The following USP49 variants were observed in gnomAD, a reference collection of about 807,000 sequenced individuals.
USP49 encodes ubiquitin specific peptidase 49, also known as ubiquitin carboxyl-terminal hydrolase 49.
USP49 carries 24 observed loss-of-function variants against 58.6 expected under a neutral mutation model. The observed-to-expected ratio is 0.41, with a 90% CI of 0.30 to 0.58. The LOEUF (loss-of-function observed/expected upper bound fraction) is 0.58. USP49 is among the 20% of genes least tolerant of loss of function. The pLI is 0.30. For missense variants in USP49, 703 were observed against 866.1 expected (o/e 0.81, Z 2.36); for synonymous variants, 408 against 365.1 (o/e 1.12, Z -1.34).
At chr6:41,823,486 A>G (rs1329346047) in intron 3 of USP49, among the ~76,000 whole-genome samples, 4 of 152,286 alleles carry the variant, frequency 2.6e-5, no homozygotes, top group African/African-American at 9.6e-5. Context: ...CCATTACAAA[A>G]AGAGTCCCCT....
chr6:41,798,439 A>G lies in USP49; in HGVS notation c.1876+285T>C, dbSNP rs191815065. On this transcript the variant is annotated intron_variant, in intron 7 of 7. Coordinates refer to ENST00000682992, the MANE Select transcript of USP49 (RefSeq NM_001286554.2). ...CCAGTGCCCACCACCACGCCCGGCT[A>G]ATTTTTGTACTATTTTAGTAGAGAC... 1.8e-3 allele frequency: 1,157 copies of G among 659,616 alleles called. 4 individuals carry two copies. The highest frequency in any genetic ancestry group is 3.4e-3 in the Admixed American group (93 of 27,040). 40.9% of individuals were successfully genotyped at this position (659,616 alleles called of 1,614,324 possible). A position where few individuals can be genotyped will look rare whatever the true frequency, so the allele number is the denominator to read the frequency against.
chr6:41,814,499 G>T (rs1773314897), intron 3 of USP49, among the ~76,000 whole-genome samples: 1 of 152,144 alleles, frequency 6.6e-6, no homozygotes, highest in South Asian at 2.1e-4. Context: ...AAAATCTATA[G>T]CTTGAAAATA....
At chr6:41,807,036 A>G (rs1022413939) in intron 3 of USP49, 25 bp from the exon 4 acceptor site, 10 of 1,337,234 alleles carry the variant, frequency 7.5e-6, no homozygotes, top group Non-Finnish European at 9.7e-6. Context: ...TCCCCAAAAA[A>G]GAAAAAGAAA....
At chr6:41,846,777 C>G (rs185902740) in intron 3 of USP49, among the ~76,000 whole-genome samples, 1 of 152,158 alleles carries the variant, frequency 6.6e-6, no homozygotes, top group East Asian at 1.9e-4. Flanking sequence ...AAACCCCCCC[C>G]ATACTGGGTC....
intron 3 of USP49, among the ~76,000 whole-genome samples, chr6:41,853,125 G>A (rs1415397182): frequency 6.6e-6 from 1 of 152,158 alleles, no homozygotes; most frequent in African/African-American, 2.4e-5. Context: ...GGTGGAGGTT[G>A]CAATGAGCCG....
chr6:41,852,569 G>A (rs533094216), intron 3 of USP49, among the ~76,000 whole-genome samples: 7 of 152,162 alleles, frequency 4.6e-5, no homozygotes, highest in African/African-American at 7.2e-5. Flanking sequence ...ATTGTGGAAA[G>A]AAATTAAAGA....
At chr6:41,809,112 A>G (rs371388312) in intron 3 of USP49, among the ~76,000 whole-genome samples, 25 of 151,370 alleles carry the variant, frequency 1.7e-4, no homozygotes, top group South Asian at 8.4e-4. Context: ...GGATCTCACT[A>G]TGTTGCCCAG....
intron 3 of USP49, among the ~76,000 whole-genome samples, chr6:41,861,022 G>A (rs1054867030): frequency 8.5e-5 from 13 of 152,056 alleles, no homozygotes; most frequent in Admixed American, 1.3e-4. Context: ...CCAGCTACTC[G>A]GGAGGCTGAG....
At chr6:41,840,539 G>A (rs1315596117) in intron 3 of USP49, among the ~76,000 whole-genome samples, 1 of 152,084 alleles carries the variant, frequency 6.6e-6, no homozygotes, top group Non-Finnish European at 1.5e-5. Flanking sequence ...CTGACTCCAC[G>A]GAAATGGGAA....
rs1161836935 is a variant in USP49, at chr6:41,790,784, G to A, written c.*5749C>T. ...ACAGCACCATTCTTTGTATAAATCA[G>A]ATAGATCTTATCTGATAGATGAAGC... On this transcript the variant is annotated 3_prime_UTR_variant, in exon 8 of 8. Transcript: ENST00000682992. The A allele has an allele frequency of 1.3e-5, 2 of 152,068 alleles. No homozygotes were observed. The highest frequency in any genetic ancestry group is 2.9e-5 in the Non-Finnish European group (2 of 68,016). The allele number at this position is 152,068 out of a possible 1,614,324, so 9.4% of individuals were successfully genotyped here. A position where few individuals can be genotyped will look rare whatever the true frequency, so the allele number is the denominator to read the frequency against.
chr6:41,803,406 C>T lies in USP49; in HGVS notation c.1561+400G>A, dbSNP rs570010758. ...GCACCCTCCGCTTCCTGGGTTCAACCGATTCTCCTGCCTCAGCCTCCCGAG... is the reference window on the plus strand; with the variant it reads ...GCACCCTCCGCTTCCTGGGTTCAACTGATTCTCCTGCCTCAGCCTCCCGAG... On this transcript the variant is annotated intron_variant, in intron 5 of 7. Coordinates refer to ENST00000682992, the MANE Select transcript of USP49 (RefSeq NM_001286554.2). The surrounding 1 kb of genome is among the most constrained non-coding windows in gnomAD (Gnocchi z 4.1). Among the ~76,000 whole-genome samples the T allele has an allele frequency of 7.9e-5, 12 of 152,282 alleles. No individual in the cohort carries two copies. The highest frequency in any genetic ancestry group is 2.2e-4 in the African/African-American group (9 of 41,546).
chr6:41,790,883 T>C lies in USP49; in HGVS notation c.*5650A>G, dbSNP rs889942933. The C allele has an allele frequency of 6.6e-6, 1 of 152,002 alleles. No individual in the cohort carries two copies. 9.4% of individuals were successfully genotyped at this position (152,002 alleles called of 1,614,324 possible). On this transcript the variant is annotated 3_prime_UTR_variant, in exon 8 of 8. Coordinates refer to ENST00000682992, the MANE Select transcript of USP49 (RefSeq NM_001286554.2). Reference sequence around the variant, plus strand: ...TATTGGGTATTAAGATAAAGAAGGGTCACATGAGAGCAAAGCTTAGCTTTG... The same window carrying C: ...TATTGGGTATTAAGATAAAGAAGGGCCACATGAGAGCAAAGCTTAGCTTTG...
chr6:41,819,927 C>A (rs745909198), intron 3 of USP49, among the ~76,000 whole-genome samples: 43 of 152,188 alleles, frequency 2.8e-4, no homozygotes, highest in Non-Finnish European at 6.2e-4. Context: ...TTAGCCAAAT[C>A]ACCAAATCGA....
chr6:41,869,938 G>A (rs1347585616), intron 3 of USP49, among the ~76,000 whole-genome samples: 2 of 152,038 alleles, frequency 1.3e-5, no homozygotes, highest in African/African-American at 4.8e-5. Flanking sequence ...ACAGTAAAAG[G>A]TAAAGATATA....
chr6:41,815,374 T>C (rs1415104121), intron 3 of USP49, among the ~76,000 whole-genome samples: 4 of 151,672 alleles, frequency 2.6e-5, no homozygotes, highest in Non-Finnish European at 2.9e-5. Flanking sequence ...TGAGCCAAGA[T>C]TGCGCCACTG....
At chr6:41,880,936 T>C (rs1003911996) in intron 2 of USP49, among the ~76,000 whole-genome samples, 1 of 151,976 alleles carries the variant, frequency 6.6e-6, no homozygotes, top group African/African-American at 2.4e-5. Context: ...TATTTATTTT[T>C]TATTCTTTTA....
chr6:41,829,042 T>C (rs1773589709), intron 3 of USP49, among the ~76,000 whole-genome samples: 1 of 152,218 alleles, frequency 6.6e-6, no homozygotes, highest in Admixed American at 6.5e-5. Context: ...CTTGTTTAGA[T>C]ATTTCCTGGA....
chr6:41,845,330 A>C (rs2127348181), intron 3 of USP49, among the ~76,000 whole-genome samples: 1 of 152,126 alleles, frequency 6.6e-6, no homozygotes, highest in East Asian at 1.9e-4. Context: ...CTCAGGTCGC[A>C]GTTTGAGACC....
rs541796256 is a variant in USP49 at position 41,860,550 on chromosome 6, C to T, written c.-29+11014G>A. On this transcript the variant is annotated intron_variant, in intron 3 of 7. Coordinates refer to ENST00000682992, the MANE Select transcript of USP49 (RefSeq NM_001286554.2). ...TTGAGATGGAGTCTTGCTCTGTTGC[C>T]AGGCTGGAGTGCAGTGGCATGATCT... Among the ~76,000 whole-genome samples the T allele has an allele frequency of 2.5e-3, 377 of 152,088 alleles. 3 individuals carry two copies. Among genetic ancestry groups the T allele is most frequent in the African/African-American group, 8.6e-3 (357 of 41,500 alleles).
Sources: gnomAD v4.1 joint callset for allele counts (sites outside exome capture counted in the v4.1 genomes callset) on GRCh38, gnomAD v4.1.1 for gene constraint, Gnocchi (gnomAD v3.1) non-coding constraint, MANE v1.5 for transcripts, NCBI Gene and HGNC (gene_info 2026-07-23, HGNC 2026-07-21) for gene names.